The following ZNF83 variants were observed in gnomAD, a reference collection of about 807,000 sequenced individuals.
ZNF83 encodes the protein zinc finger protein 83.
For synonymous variants in ZNF83, 209 were observed against 213.0 expected, an observed-to-expected ratio of 0.98 and a Z score of 0.17; for missense variants, 552 against 629.9, an observed-to-expected ratio of 0.88 and a Z score of 1.32.
In ZNF83 at chr19:52,652,265, G is replaced by A. The variant is rs572052577; in HGVS notation, c.-74+3296C>T. The A allele has an allele frequency of 7.0e-5, 17 of 242,522 alleles. No homozygotes were observed. The South Asian group carries it at 8.2e-4, about 12-fold the overall frequency. 15.0% of individuals were successfully genotyped at this position (242,522 alleles called of 1,614,324 possible). A position where few individuals can be genotyped will look rare whatever the true frequency, so the allele number is the denominator to read the frequency against. ...AACCAGGCCAACATGGTGAAACCCT[G>A]TCTCTACTAAAAACATAAAAATTAG... On this transcript the variant is annotated intron_variant, in intron 3 of 5. Transcript: ENST00000594682.
chr19:52,638,267 C>A (rs1345826967), intron 1 of ZNF83, 45 bp downstream of exon 1: 1 of 152,348 alleles, frequency 6.6e-6, no homozygotes, highest in Non-Finnish European at 1.5e-5. Context: ...TACAGCAGCG[C>A]CGGGGACCTG....
At chr19:52,632,441 C>T (rs2061003073) in intron 2 of ZNF83, among the ~76,000 whole-genome samples, 1 of 152,200 alleles carries the variant, frequency 6.6e-6, no homozygotes, top group Non-Finnish European at 1.5e-5. Context: ...TCATTCCAGA[C>T]ACCAGACCAA....
chr19:52,644,131 G>A (rs540948961), intron 3 of ZNF83, among the ~76,000 whole-genome samples: 186 of 152,138 alleles, frequency 1.2e-3, no homozygotes, highest in African/African-American at 4.4e-3. Context: ...GAAAGGCCCC[G>A]AAGATGGTCT....
chr19:52,659,613 C>CAAAAAGAA (rs2061552114), intron 2 of ZNF83, among the ~76,000 whole-genome samples: 1 of 114,292 alleles, frequency 8.7e-6, no homozygotes, highest in African/African-American at 3.2e-5. Flanking sequence ...GACTCCAACT[C>CAAAAAGAA]AAAAAAAAAA....
At chr19:52,612,775 G>T in exon 3 of ZNF83, 1 of 491,964 alleles carries the variant, frequency 2.0e-6, no homozygotes, top group Middle Eastern at 5.2e-4. Context: ...CATTACATTT[G>T]TTAGGTTTCT....
chr19:52,634,422 A>G lies in ZNF83; in HGVS notation c.-234+644T>C, dbSNP rs115676534. Among the ~76,000 whole-genome samples the G allele has an allele frequency of 4.0e-3, 604 of 152,292 alleles. 4 individuals are homozygous for G. The highest frequency in any genetic ancestry group is 0.014 in the African/African-American group (564 of 41,550). On this transcript the variant is annotated intron_variant, in intron 2 of 2. Coordinates refer to ENST00000301096, the Ensembl canonical transcript of ZNF83. ...GTTTCAGAAGCCTCTTAACACCACA[A>G]TCTCCACGAGCTTAATGTGCTAAGA...
chr19:52,621,879 G>GC (rs1178654154), intron 2 of ZNF83, among the ~76,000 whole-genome samples: 2 of 152,134 alleles, frequency 1.3e-5, no homozygotes, highest in Non-Finnish European at 2.9e-5. Context: ...GGTCTGAGGT[G>GC]CCTTATGTCC....
intron 2 of ZNF83, among the ~76,000 whole-genome samples, chr19:52,659,313 G>A (rs953147874): frequency 6.6e-6 from 1 of 152,160 alleles, no homozygotes; most frequent in African/African-American, 2.4e-5. Flanking sequence ...GGTCAAGCCA[G>A]TGAGTAATCA....
At chr19:52,671,229 A>C (rs2061720619) in intron 1 of ZNF83, among the ~76,000 whole-genome samples, 1 of 152,178 alleles carries the variant, frequency 6.6e-6, no homozygotes, top group Non-Finnish European at 1.5e-5. Flanking sequence ...GACTCTTTAC[A>C]TAGGAATTTG....
At position 52,687,637 on chromosome 19, in the gene ZNF83, A is replaced by ATG. The variant is rs1555792761; in HGVS notation, c.-283+2805_-283+2806insCA. Reference sequence around the variant, plus strand: ...ATGTGTATATATATATATAATGTATATATATATATATATATATATAATGTA... The same window carrying ATG: ...ATGTGTATATATATATATAATGTATATGTATATATATATATATATATAATGTA... On this transcript the variant is annotated intron_variant, in intron 1 of 5. Transcript: ENST00000594682. 1.7e-4 allele frequency among the ~76,000 whole-genome samples: 3 copies of ATG among 17,358 alleles called. 1 individual carries two copies. In the East Asian group the frequency reaches 2.1e-3, roughly 12 times the overall value. 11.4% of individuals were successfully genotyped at this position (17,358 alleles called of 152,430 possible).
At chr19:52,690,132 G>T (rs990920428) in intron 1 of ZNF83, among the ~76,000 whole-genome samples, 1 of 151,836 alleles carries the variant, frequency 6.6e-6, no homozygotes, top group Non-Finnish European at 1.5e-5. Context: ...CACTTCGCGG[G>T]TGAGGACGTT....
intron 1 of ZNF83, among the ~76,000 whole-genome samples, chr19:52,675,759 A>C (rs1415540500): frequency 6.6e-6 from 1 of 152,236 alleles, no homozygotes; most frequent in African/African-American, 2.4e-5. Context: ...AATTTTGTGC[A>C]TGCATGTCTG....
intron 2 of ZNF83, among the ~76,000 whole-genome samples, chr19:52,621,241 A>G (rs954848963): frequency 1.3e-4 from 20 of 152,298 alleles, no homozygotes; most frequent in African/African-American, 4.1e-4. Flanking sequence ...ACCAATTTCA[A>G]ATTGGGTAAG....
intron 3 of ZNF83, chr19:52,653,303 C>G (rs1005239905): frequency 5.7e-5 from 78 of 1,362,152 alleles, no homozygotes; most frequent in Admixed American, 5.0e-4. Flanking sequence ...TTACCACATT[C>G]ATTACATGTG....
chr19:52,614,595 G>C, exon 3 of ZNF83: 4 of 1,541,052 alleles, frequency 2.6e-6, no homozygotes, highest in Non-Finnish European at 3.5e-6. Context: ...TTTCCTTATA[G>C]GTCACACGCA....
chr19:52,680,750 C>A (rs373238269), intron 1 of ZNF83, among the ~76,000 whole-genome samples: 1 of 142,612 alleles, frequency 7.0e-6, no homozygotes, highest in African/African-American at 2.8e-5. Flanking sequence ...GTAACTGGGA[C>A]TACAGGCGCC....
Position 52,689,454 on chromosome 19 carries a change from TCTC to T in ZNF83, c.-283+986_-283+988del, listed in dbSNP as rs1276565536. On this transcript the variant is annotated intron_variant, in intron 1 of 5. Transcript: ENST00000594682. The stretch of plus-strand genomic sequence containing the variant: ...CTCCCTGCTGTGCTTCTCCCTCTGT[TCTC>T]CTTGCCACCAGCACCACTCTGCTCT... Among the ~76,000 whole-genome samples the T allele has an allele frequency of 5.3e-5, 8 of 152,024 alleles. No homozygotes were observed. The East Asian group carries it at 7.8e-4, about 15-fold the overall frequency.
intron 2 of ZNF83, among the ~76,000 whole-genome samples, chr19:52,619,882 C>CAAAG (rs969185957): frequency 6.6e-6 from 1 of 151,866 alleles, no homozygotes; most frequent in African/African-American, 2.4e-5. Flanking sequence ...AACTCCATCT[C>CAAAG]AAAGAAAGAA....
At chr19:52,662,954 G>C (rs1257517875) in intron 1 of ZNF83, among the ~76,000 whole-genome samples, 2 of 152,126 alleles carry the variant, frequency 1.3e-5, no homozygotes, top group Admixed American at 6.5e-5. Flanking sequence ...CATGAGCCCA[G>C]GAGTTTGAGA....
Sources: allele counts gnomAD v4.1 joint callset (sites outside exome capture counted in the v4.1 genomes callset), GRCh38; gene constraint gnomAD v4.1.1; transcripts MANE v1.5; gene names NCBI Gene and HGNC (gene_info 2026-07-23, HGNC 2026-07-21).